SSH3: variants seen among roughly 807,000 people sequenced by gnomAD.
SSH3 encodes slingshot protein phosphatase 3.
SSH3 carries 67 observed loss-of-function variants against 75.0 expected under a neutral mutation model. The observed-to-expected ratio is 0.89, with a 90% CI of 0.73 to 1.10. The LOEUF is 1.10. Among genes scored for constraint, SSH3 ranks in the 50% least tolerant of loss-of-function variants. SSH3 has a pLI of 0.00. For missense variants in SSH3, 824 were observed against 872.7 expected, an observed-to-expected ratio of 0.94 and a Z score of 0.70; for synonymous variants, 318 against 349.2, an observed-to-expected ratio of 0.91 and a Z score of 1.00.
Position 67,311,896 on chromosome 11 carries a change from A to G in SSH3, c.*9A>G. ...AGGAGGGCGAGGCCTGAGCCCTCAC[A>G]CATGCCCACGCTCCCCTGACACTGA... On this transcript the variant is annotated 3_prime_UTR_variant, in exon 14 of 14. Transcript: ENST00000308127. 1 of 1,607,026 alleles carries G rather than the reference A, an allele frequency of 6.2e-7. No individual in the cohort carries two copies. Among genetic ancestry groups the G allele is most frequent in the East Asian group, 2.2e-5 (1 of 44,864 alleles).
chr11:67,304,086 CT>C (rs1861152953), intron 1 of SSH3, 31 bp from the exon 2 acceptor site: 3 of 1,562,794 alleles, frequency 1.9e-6, no homozygotes, highest in Admixed American at 1.8e-5. Context: ...CCTCCCCGCC[CT>C]CACCCTGCCC....
Position 67,303,629 on chromosome 11 carries a change from G to A in SSH3, c.4G>A (p.Ala2Thr), listed in dbSNP as rs1234741384. 6.6e-7 allele frequency: 1 copy of A among 1,516,980 alleles called. No homozygotes were observed. The highest frequency in any genetic ancestry group is 8.8e-7 in the Non-Finnish European group (1 of 1,139,004). 94.0% of individuals were successfully genotyped at this position (1,516,980 alleles called of 1,614,324 possible). The stretch of plus-strand genomic sequence containing the variant: ...CAGGTGCTCGCGGCCTGGCTCCATG[G>A]CCCTGGTCACAGTGAGCCGTTCGCC... MALVTVSRSPPG... is the reference protein window; with the variant it reads MTLVTVSRSPPG... The change falls in exon 1 of 14, where the codon GCC (alanine) becomes ACC (threonine). Residue 2 changes from alanine (A) to threonine (T), a missense_variant. Coordinates refer to ENST00000308127, the MANE Select transcript of SSH3 (RefSeq NM_017857.4).
chr11:67,309,670 A>G, intron 11 of SSH3, 98 bp from the exon 12 acceptor site: 39 of 1,578,850 alleles, frequency 2.5e-5, no homozygotes, highest in Non-Finnish European at 3.4e-5. Flanking sequence ...CTCCTTCTCT[A>G]CTCTCAGTTG....
intron 3 of SSH3, among the ~76,000 whole-genome samples, chr11:67,306,358 G>T (rs1323242534): frequency 1.3e-5 from 2 of 151,940 alleles, no homozygotes; most frequent in African/African-American, 2.4e-5. Flanking sequence ...CCAGCACTTT[G>T]GGAGGCTGAG....
intron 1 of SSH3, 27 bp downstream of exon 1, chr11:67,303,718 C>T: frequency 1.4e-6 from 2 of 1,456,616 alleles, no homozygotes; most frequent in Non-Finnish European, 1.8e-6. Context: ...CGTGGTGCCG[C>T]CCACGCAGTT....
At chr11:67,304,229 G>A (rs1257280050) in intron 2 of SSH3, 74 bp downstream of exon 2, 29 of 1,225,106 alleles carry the variant, frequency 2.4e-5, no homozygotes, top group Non-Finnish European at 3.2e-5. Flanking sequence ...GGCTCCAGCT[G>A]CAGGGACAGA....
rs1178481587 is a variant in SSH3, at chr11:67,308,509, C to T, written c.1061+51C>T. The stretch of plus-strand genomic sequence containing the variant: ...CCCACCCCATCTTCCCTTCTCCTGG[C>T]CTCCCCGCATTGGGTGGTAGCCAGC... On this transcript the variant is annotated intron_variant, in intron 10 of 13. Transcript: ENST00000308127. The surrounding 1 kb of genome is among the most constrained non-coding windows in gnomAD (Gnocchi z 4.9). 1.9e-6 allele frequency: 3 copies of T among 1,549,364 alleles called. No individual in the cohort carries two copies. The highest frequency in any genetic ancestry group is 2.6e-6 in the Non-Finnish European group (3 of 1,146,578).
At chr11:67,306,023 C>T (rs943974248) in intron 3 of SSH3, among the ~76,000 whole-genome samples, 17 of 151,852 alleles carry the variant, frequency 1.1e-4, no homozygotes, top group Non-Finnish European at 2.2e-4. Flanking sequence ...GGCGCGGTGG[C>T]TCATGCCTGT....
Position 67,308,177 on chromosome 11 carries a change from C to T in SSH3, c.889C>T (p.Arg297Cys), listed in dbSNP as rs371330009. 65 of 1,612,770 alleles carry T rather than the reference C, an allele frequency of 4.0e-5. No homozygotes were observed. In the East Asian group the frequency reaches 8.9e-4, roughly 22 times the overall value. ...DLESVTSKEIRQALELRLGLP... is the reference protein window; with the variant it reads ...DLESVTSKEICQALELRLGLP... ...TTGCCCTGGGCTCTGCCTGCAGATC[C>T]GCCAGGCTCTGGAGCTGCGCCTGGG... The change falls in exon 9 of 14, where the codon CGC (arginine) becomes TGC (cysteine). Residue 297 changes from arginine (R) to cysteine (C), a missense_variant. Coordinates refer to ENST00000308127, the MANE Select transcript of SSH3 (RefSeq NM_017857.4). This position sits in a 1 kb window ranked among gnomAD's most constrained non-coding sequence, Gnocchi z 4.9.
intron 1 of SSH3, 58 bp from the exon 2 acceptor site, chr11:67,304,060 G>A: frequency 3.3e-6 from 5 of 1,530,562 alleles, no homozygotes; most frequent in Non-Finnish European, 4.4e-6. Flanking sequence ...ATTCCTGAGA[G>A]AGGGGAGGGG....
rs755600009 is a variant in SSH3, at chr11:67,308,230, C to T, written c.942C>T (p.Phe314=). Reference sequence around the variant, plus strand: ...TCCCCCTCCAGCAGTACCGTGACTTCATCGACAACCAGATGCTGCTGCTGG... The same window carrying T: ...TCCCCCTCCAGCAGTACCGTGACTTTATCGACAACCAGATGCTGCTGCTGG... ...LGLPLQQYRD[F]IDNQMLLLVA... is the part of the protein sequence containing the mutation. Residue 314 remains phenylalanine (F), a synonymous_variant, in exon 9 of 14, where the codon TTC becomes TTT. Coordinates refer to ENST00000308127, the MANE Select transcript of SSH3 (RefSeq NM_017857.4). This position sits in a 1 kb window ranked among gnomAD's most constrained non-coding sequence, Gnocchi z 4.9. The T allele has an allele frequency of 1.2e-5, 19 of 1,614,022 alleles. No homozygotes were observed. Among genetic ancestry groups the T allele is most frequent in the Non-Finnish European group, 1.5e-5 (18 of 1,180,044 alleles).
Position 67,304,958 on chromosome 11 carries a change from A to C in SSH3, c.290A>C (p.His97Pro). 8 of 1,613,172 alleles carry C rather than the reference A, an allele frequency of 5.0e-6. No homozygotes were observed. The highest frequency in any genetic ancestry group is 6.8e-6 in the Non-Finnish European group (8 of 1,179,928). Residue 97 changes from histidine (H) to proline (P), a missense_variant, in exon 3 of 14, where the codon CAC (histidine) becomes CCC (proline). Physicochemically the swap from His to Pro is moderately conservative, Grantham distance 77. Transcript: ENST00000308127. ...CAGAAGCAGGAGGAGCAGAGGCAGC[A>C]CCTGCACCTCATGGTACAGCTGCTG... is the stretch of plus-strand genomic sequence containing the variant. ...SPQKQEEQRQ[H>P]LHLMVQLLRP...
At position 67,310,214 on chromosome 11, in the gene SSH3, G is replaced by A. The variant is rs780096991; in HGVS notation, c.1558G>A (p.Ala520Thr). The A allele has an allele frequency of 1.9e-6, 3 of 1,614,228 alleles. No individual in the cohort carries two copies. The highest frequency in any genetic ancestry group is 1.6e-4 in the Middle Eastern group (1 of 6,062). The part of the protein sequence containing the change: ...EKVVGMEESQ[A>T]APKEEPGPRP... ...GGTTGTAGGCATGGAAGAGAGCCAG[G>A]CAGCCCCGAAAGAAGAGCCTGGGCC... The change falls in exon 13 of 14, where the codon GCA becomes ACA. Residue 520 changes from alanine to threonine, a missense_variant. Coordinates refer to ENST00000308127, the MANE Select transcript of SSH3 (RefSeq NM_017857.4).
At chr11:67,306,016 G>T (rs1391228202) in intron 3 of SSH3, among the ~76,000 whole-genome samples, 1 of 151,658 alleles carries the variant, frequency 6.6e-6, no homozygotes, top group Non-Finnish European at 1.5e-5. Context: ...CTGGCCGGGC[G>T]CGGTGGCTCA....
intron 2 of SSH3, among the ~76,000 whole-genome samples, chr11:67,304,519 C>T (rs72930778): frequency 0.047 from 7,232 of 152,308 alleles, 262 homozygotes; most frequent in Non-Finnish European, 0.077. Context: ...GCAGCCCCCT[C>T]TCCCCACAGA....
rs1312112934 is a variant in SSH3, at chr11:67,307,607, C to T, written c.661C>T (p.Pro221Ser). 6.2e-7 allele frequency: 1 copy of T among 1,613,798 alleles called. No individual in the cohort carries two copies. Among genetic ancestry groups the T allele is most frequent in the Non-Finnish European group, 8.5e-7 (1 of 1,180,018 alleles). The change falls in exon 7 of 14, where the codon CCG becomes TCG. Residue 221 changes from proline (P) to serine (S), a missense_variant. By Grantham distance (74) the Pro-to-Ser change is moderately conservative (BLOSUM62 -1). Transcript: ENST00000308127. This position sits in a 1 kb window ranked among gnomAD's most constrained non-coding sequence, Gnocchi z 4.2. ...CEAALGSGLV[P>S]GGSALTWASH... Reference sequence around the variant, plus strand: ...GGCAGCTCTAGGCAGCGGCCTTGTACCGGGTGGCAGTGCCCTCACCTGGGC... The same window carrying T: ...GGCAGCTCTAGGCAGCGGCCTTGTATCGGGTGGCAGTGCCCTCACCTGGGC...
intron 2 of SSH3, among the ~76,000 whole-genome samples, chr11:67,304,456 C>T (rs1272262767): frequency 6.6e-6 from 1 of 152,202 alleles, no homozygotes; most frequent in Non-Finnish European, 1.5e-5. Flanking sequence ...CTCCTGGGTC[C>T]CCGACCATGT....
In SSH3 at chr11:67,312,064, C is replaced by T; in HGVS notation, c.*177C>T. ...CACCTCCCACCCCTGTCACTACAGCCTCACCTCCTACAGCCTTAAGTCCCA... is the reference window on the plus strand; with the variant it reads ...CACCTCCCACCCCTGTCACTACAGCTTCACCTCCTACAGCCTTAAGTCCCA... On this transcript the variant is annotated 3_prime_UTR_variant, in exon 14 of 14. Coordinates refer to ENST00000308127, the MANE Select transcript of SSH3 (RefSeq NM_017857.4). 1 of 817,608 alleles carries T rather than the reference C, an allele frequency of 1.2e-6. No individual in the cohort carries two copies. The highest frequency in any genetic ancestry group is 1.9e-6 in the Non-Finnish European group (1 of 540,414). 50.6% of individuals were successfully genotyped at this position (817,608 alleles called of 1,614,324 possible). A position where few individuals can be genotyped will look rare whatever the true frequency, so the allele number is the denominator to read the frequency against.
At chr11:67,304,562 G>A (rs745564073) in intron 2 of SSH3, among the ~76,000 whole-genome samples, 10 of 152,240 alleles carry the variant, frequency 6.6e-5, no homozygotes, top group Non-Finnish European at 1.5e-4. Context: ...GAGCTTGGAA[G>A]CCCCCAAGAC....
Sources: gnomAD v4.1 joint callset for allele counts (sites outside exome capture counted in the v4.1 genomes callset) on GRCh38, gnomAD v4.1.1 for gene constraint, Gnocchi (gnomAD v3.1) non-coding constraint, MANE v1.5 for transcripts, NCBI Gene and HGNC (gene_info 2026-07-23, HGNC 2026-07-21) for gene names.